Variants in APP observed in about 807,000 individuals in gnomAD.
APP encodes amyloid-beta precursor protein.
Under a neutral mutation model 101.4 loss-of-function variants are expected in APP, and 31 were observed. The observed-to-expected ratio is 0.31, with a 90% CI of 0.23 to 0.41. The LOEUF (loss-of-function observed/expected upper bound fraction) is 0.41, where lower values mean the gene tolerates loss of function less well. Ranked by LOEUF, APP falls within the 10% of genes least tolerant of loss-of-function variation. The pLI is 1.00. For missense variants in APP, 839 were observed against 1,003.7 expected, an observed-to-expected ratio of 0.84 and a Z score of 2.22; for synonymous variants, 366 against 364.4, an observed-to-expected ratio of 1.00 and a Z score of -0.05.
intron 9 of APP, among the ~76,000 whole-genome samples, chr21:25,978,359 T>C (rs2042299376): frequency 6.6e-6 from 1 of 152,212 alleles, no homozygotes; most frequent in African/African-American, 2.4e-5. Flanking sequence ...CTGCTGACCC[T>C]GTATTAAGAG....
intron 14 of APP, among the ~76,000 whole-genome samples, chr21:25,909,457 A>T (rs1227097386): frequency 1.3e-5 from 2 of 152,186 alleles, no homozygotes; most frequent in African/African-American, 4.8e-5. Flanking sequence ...TCCAACAAGA[A>T]TATCAGCTCT....
intron 11 of APP, among the ~76,000 whole-genome samples, chr21:25,970,958 A>G (rs1288704263): frequency 6.6e-6 from 1 of 152,212 alleles, no homozygotes; most frequent in Non-Finnish European, 1.5e-5. Flanking sequence ...AAAATGCACA[A>G]ACAATTCCAG....
intron 1 of APP, among the ~76,000 whole-genome samples, chr21:26,155,635 C>A (rs986495414): frequency 1.3e-5 from 2 of 152,176 alleles, no homozygotes; most frequent in Admixed American, 1.3e-4. Flanking sequence ...GTTTTAAAAC[C>A]ATGCTTTTGT....
intron 16 of APP, among the ~76,000 whole-genome samples, 156 bp from the exon 17 acceptor site, chr21:25,892,024 G>T (rs2037730348): frequency 6.7e-6 from 1 of 148,696 alleles, no homozygotes; most frequent in Non-Finnish European, 1.5e-5. Context: ...CAACTGGTTG[G>T]TCAAATATTT....
intron 2 of APP, among the ~76,000 whole-genome samples, chr21:26,102,082 GTT>G (rs35680514): frequency 6.9e-5 from 7 of 101,150 alleles, no homozygotes; most frequent in African/African-American, 1.6e-4. Context: ...AAACTATGTG[GTT>G]TTTTTTTTTT....
At chr21:26,107,965 G>T (rs1346939566) in intron 2 of APP, among the ~76,000 whole-genome samples, 1 of 152,166 alleles carries the variant, frequency 6.6e-6, no homozygotes, top group Non-Finnish European at 1.5e-5. Flanking sequence ...AATGAAAGAT[G>T]TATTTAAAAG....
chr21:26,001,550 GC>G (rs1424085307), intron 6 of APP, among the ~76,000 whole-genome samples: 1 of 152,098 alleles, frequency 6.6e-6, no homozygotes, highest in Non-Finnish European at 1.5e-5. Flanking sequence ...TTGCACTGCC[GC>G]CCAGTGGCAC....
intron 2 of APP, 138 bp from the exon 3 acceptor site, chr21:26,090,210 G>GTC: frequency 7.5e-7 from 1 of 1,326,606 alleles, no homozygotes; most frequent in African/African-American, 1.5e-5. Flanking sequence ...TGCTTTCAAG[G>GTC]TCTCTGACTT....
intron 13 of APP, among the ~76,000 whole-genome samples, chr21:25,947,487 G>A (rs575352942): frequency 6.6e-6 from 1 of 152,264 alleles, no homozygotes; most frequent in African/African-American, 2.4e-5. Context: ...ATAGTATACC[G>A]TACTTTGCCA....
intron 1 of APP, among the ~76,000 whole-genome samples, chr21:26,149,889 T>G (rs1271480024): frequency 1.3e-5 from 2 of 152,224 alleles, no homozygotes; most frequent in Non-Finnish European, 2.9e-5. Flanking sequence ...CTCATGTGCT[T>G]CTTCCAACAC....
intron 11 of APP, among the ~76,000 whole-genome samples, chr21:25,973,427 T>C (rs2042108190): frequency 6.6e-6 from 1 of 152,162 alleles, no homozygotes; most frequent in Non-Finnish European, 1.5e-5. Context: ...CTGGAATAGC[T>C]TTATTAATAT....
chr21:25,890,569 T>G (rs983900792), intron 17 of APP, among the ~76,000 whole-genome samples: 2 of 152,090 alleles, frequency 1.3e-5, no homozygotes, highest in Admixed American at 6.6e-5. Flanking sequence ...GGTGAAACCC[T>G]GTCTCTACTA....
At chr21:25,948,067 A>G (rs973760951) in intron 13 of APP, among the ~76,000 whole-genome samples, 1 of 151,860 alleles carries the variant, frequency 6.6e-6, no homozygotes, top group African/African-American at 2.4e-5. Context: ...AAACCATTAA[A>G]TCTATATACA....
intron 13 of APP, among the ~76,000 whole-genome samples, chr21:25,931,725 A>T (rs2040157350): frequency 6.6e-6 from 1 of 152,204 alleles, no homozygotes; most frequent in Non-Finnish European, 1.5e-5. Flanking sequence ...GTGGAGGATA[A>T]ACTTCTAATT....
intron 17 of APP, among the ~76,000 whole-genome samples, chr21:25,884,892 T>TGG (rs2037223891): frequency 2.0e-5 from 3 of 152,256 alleles, no homozygotes; most frequent in South Asian, 4.1e-4. Flanking sequence ...TTGATAGGTT[T>TGG]ATCTCCTCTT....
At chr21:25,902,416 A>G (rs1281414419) in intron 15 of APP, among the ~76,000 whole-genome samples, 1 of 152,240 alleles carries the variant, frequency 6.6e-6, no homozygotes, top group Non-Finnish European at 1.5e-5. Context: ...AAGCACAAAA[A>G]CAGAACACAC....
At chr21:25,927,002 C>CAAAA (rs36048306) in intron 13 of APP, among the ~76,000 whole-genome samples, 9 of 67,268 alleles carry the variant, frequency 1.3e-4, no homozygotes, top group African/African-American at 4.4e-4. Flanking sequence ...GACTCCGTCT[C>CAAAA]AAAAAAAAAA....
chr21:25,950,381 CTTTTTTTTTTTT>C (rs57124711), intron 13 of APP, among the ~76,000 whole-genome samples: 2 of 133,126 alleles, frequency 1.5e-5, no homozygotes, highest in South Asian at 2.5e-4. Context: ...TTTTTTTTTT[CTTTTTTTTTTTT>C]TTTGGAGACG....
At chr21:26,084,292 G>A (rs1368787940) in intron 3 of APP, among the ~76,000 whole-genome samples, 1 of 139,596 alleles carries the variant, frequency 7.2e-6, no homozygotes, top group African/African-American at 2.7e-5. Flanking sequence ...AGGCTGGAGC[G>A]CAGTGGCGCG....
Sources: gnomAD v4.1 joint callset for allele counts (sites outside exome capture counted in the v4.1 genomes callset) on GRCh38, gnomAD v4.1.1 for gene constraint, MANE v1.5 for transcripts, NCBI Gene and HGNC (gene_info 2026-07-23, HGNC 2026-07-21) for gene names.